The following HPS5 variants were observed in gnomAD, a reference collection of about 807,000 sequenced individuals.
The protein encoded by HPS5 is BLOC-2 complex member HPS5.
HPS5 carries 83 observed loss-of-function variants against 128.0 expected under a neutral mutation model. The ratio of observed to expected loss-of-function variants is 0.65; its 90% CI spans 0.54 to 0.78. The LOEUF is 0.78. Among genes scored for constraint, HPS5 ranks in the 30% least tolerant of loss-of-function variants. The probability of loss-of-function intolerance (pLI) is 0.00; values close to 1 mark genes in which losing one functional copy is unlikely to be tolerated. For synonymous variants in HPS5, 475 were observed against 470.2 expected (o/e 1.01, Z -0.13); for missense variants, 1,281 against 1,326.2 (o/e 0.97, Z 0.53).
chr11:18,293,473 T>C (rs1315647152), intron 14 of HPS5, among the ~76,000 whole-genome samples: 5 of 152,130 alleles, frequency 3.3e-5, no homozygotes, highest in African/African-American at 1.2e-4. Context: ...GACAAATATT[T>C]CTCATGCTTA....
In HPS5 at chr11:18,291,941, T is replaced by C. The variant is rs1404377116; in HGVS notation, c.1941A>G (p.Leu647=). Residue 647 remains leucine, a synonymous_variant, in exon 16 of 23, where the codon TTA becomes TTG. Coordinates refer to ENST00000349215, the MANE Select transcript of HPS5 (RefSeq NM_181507.2). The stretch of plus-strand genomic sequence containing the variant: ...AGTCCTTCATGGCAAATGTTTTTTC[T>C]AAATGTGAAAGCCACTCCTGTAAAA... The part of the protein sequence containing the change: ...RMVLQEWLSH[L]EKTFAMKDFS... 6.2e-7 allele frequency: 1 copy of C among 1,608,672 alleles called. No homozygotes were observed. Among genetic ancestry groups the C allele is most frequent in the East Asian group, 2.2e-5 (1 of 44,854 alleles).
Position 18,310,869 on chromosome 11 carries a change from C to G in HPS5, c.349G>C (p.Val117Leu). The change falls in exon 5 of 23, where the codon GTG (valine) becomes CTG (leucine). Residue 117 changes from valine (V) to leucine (L), a missense_variant. By Grantham distance (32) the Val-to-Leu change is conservative. Transcript: ENST00000349215. ...CTTCGGCCTTTGTGTTCTGAAGACACATACATTTGTTCCGGTTTCCCACGA... is the reference window on the plus strand; with the variant it reads ...CTTCGGCCTTTGTGTTCTGAAGACAGATACATTTGTTCCGGTTTCCCACGA... ...ERRGKPEQMY[V>L]SSEHKGRRVT... 1.2e-6 allele frequency: 2 copies of G among 1,612,706 alleles called. No individual in the cohort carries two copies. The highest frequency in any genetic ancestry group is 8.5e-7 in the Non-Finnish European group (1 of 1,179,466).
At chr11:18,309,417 G>A (rs957096935) in intron 5 of HPS5, among the ~76,000 whole-genome samples, 4 of 152,224 alleles carry the variant, frequency 2.6e-5, no homozygotes, top group African/African-American at 9.6e-5. Context: ...GGCTGAGGCA[G>A]AAGAACTGCT....
chr11:18,295,301 CA>C (rs1312603934), intron 13 of HPS5, 132 bp from the exon 14 acceptor site: 2 of 727,170 alleles, frequency 2.8e-6, no homozygotes, highest in Non-Finnish European at 4.7e-6. Flanking sequence ...CTGTTTATAG[CA>C]ACTTCTCTGT....
chr11:18,291,382 A>AAATT (rs1327313417), intron 16 of HPS5, 60 bp downstream of exon 16: 23 of 1,112,406 alleles, frequency 2.1e-5, no homozygotes, highest in African/African-American at 3.1e-5. Context: ...CCCAAAATTC[A>AAATT]AAACTGCTAA....
chr11:18,313,281 AATGAAT>A (rs1251069594), intron 2 of HPS5, among the ~76,000 whole-genome samples: 2 of 152,134 alleles, frequency 1.3e-5, no homozygotes, highest in African/African-American at 4.8e-5. Flanking sequence ...CCCAGACAGA[AATGAAT>A]ATGAGATATC....
intron 1 of HPS5, among the ~76,000 whole-genome samples, chr11:18,318,108 AG>A (rs1288579369): frequency 2.6e-5 from 4 of 152,194 alleles, no homozygotes; most frequent in African/African-American, 9.7e-5. Flanking sequence ...CCAGAGTAGC[AG>A]GTACGGATTC....
intron 2 of HPS5, among the ~76,000 whole-genome samples, chr11:18,314,998 G>A (rs1417747159): frequency 6.6e-6 from 1 of 152,096 alleles, no homozygotes; most frequent in African/African-American, 2.4e-5. Context: ...CCAAGCCAGG[G>A]CAGCTTCTTC....
intron 16 of HPS5, among the ~76,000 whole-genome samples, chr11:18,290,439 A>G (rs1860255501): frequency 6.6e-6 from 1 of 152,244 alleles, no homozygotes; most frequent in Non-Finnish European, 1.5e-5. Flanking sequence ...ATGAAATGAG[A>G]CAATGCTGAA....
At chr11:18,303,265 A>G (rs1861945043) in intron 8 of HPS5, among the ~76,000 whole-genome samples, 1 of 75,086 alleles carries the variant, frequency 1.3e-5, no homozygotes, top group African/African-American at 5.5e-5. Flanking sequence ...CTATGTGTCT[A>G]GCACTGCCCA....
chr11:18,300,494 C>T lies in HPS5; in HGVS notation c.985+334G>A, dbSNP rs979250176. On this transcript the variant is annotated intron_variant, in intron 9 of 22. Coordinates refer to ENST00000349215, the MANE Select transcript of HPS5 (RefSeq NM_181507.2). ...GGCAGATCACCTGAGGTCAGGAATT[C>T]GAGACCAGCCTGGCCAACATGGCGA... 1.6e-4 allele frequency among the ~76,000 whole-genome samples: 24 copies of T among 151,848 alleles called. 1 individual carries two copies. Among genetic ancestry groups the T allele is most frequent in the African/African-American group, 5.6e-4 (23 of 41,324 alleles).
At chr11:18,299,187 T>C (rs1861427497) in intron 9 of HPS5, among the ~76,000 whole-genome samples, 1 of 152,192 alleles carries the variant, frequency 6.6e-6, no homozygotes, top group Non-Finnish European at 1.5e-5. Flanking sequence ...AAGAACTATA[T>C]CTCTCTGACC....
rs369851648 is a variant in HPS5 at position 18,305,433 on chromosome 11, G to C, written c.885C>G (p.Leu295=). The C allele has an allele frequency of 2.5e-6, 4 of 1,604,804 alleles. No individual in the cohort carries two copies. The highest frequency in any genetic ancestry group is 2.6e-6 in the Non-Finnish European group (3 of 1,171,916). Residue 295 remains leucine, a synonymous_variant, in exon 8 of 23, where the codon CTC becomes CTG. Coordinates refer to ENST00000349215, the MANE Select transcript of HPS5 (RefSeq NM_181507.2). ...AAGTAGAAACTTACCTAAGATGTAA[G>C]AGTTTGGGGAAAGACAAAGACTGGG... The part of the protein sequence containing the change: ...GSSQSLSFPK[L]LHLSEHCVLT...
At position 18,291,474 on chromosome 11, in the gene HPS5, GA is replaced by G. The variant is rs1860396899; in HGVS notation, c.2407del (p.Ser803LeufsTer10). ...SIKLSYSNSP[S>X]VWDTFIEGLK... ...TCCTTCAATAAAAGTATCCCAAACAGAAGGGCTATTACTGTAACTAAGCTTG... is the reference window on the plus strand; with the variant it reads ...TCCTTCAATAAAAGTATCCCAAACAGAGGGCTATTACTGTAACTAAGCTTG... On this transcript the variant is annotated frameshift_variant, in exon 16 of 23. Transcript: ENST00000349215. LOFTEE classifies it high-confidence loss of function. The G allele has an allele frequency of 6.2e-7, 1 of 1,611,356 alleles. No individual in the cohort carries two copies.
rs1379687029 is a variant in HPS5 at position 18,295,135 on chromosome 11, T to C, written c.1669A>G (p.Ile557Val). ...TCAGGGCTCGTGTGAAGGGTGCCAATCTTCTCAGTAGTTTTACGCACAAAG... is the reference window on the plus strand; with the variant it reads ...TCAGGGCTCGTGTGAAGGGTGCCAACCTTCTCAGTAGTTTTACGCACAAAG... ...SSFVRKTTEK[I>V]GTLHTSPDLK... Residue 557 changes from isoleucine (I) to valine (V), a missense_variant, in exon 14 of 23, where the codon ATT (isoleucine) becomes GTT (valine). Coordinates refer to ENST00000349215, the MANE Select transcript of HPS5 (RefSeq NM_181507.2). 1.4e-5 allele frequency: 23 copies of C among 1,614,044 alleles called. No individual in the cohort carries two copies. Among genetic ancestry groups the C allele is most frequent in the Non-Finnish European group, 1.9e-5 (22 of 1,180,032 alleles).
intron 10 of HPS5, 102 bp downstream of exon 10, chr11:18,298,690 C>A: frequency 8.8e-7 from 1 of 1,135,630 alleles, no homozygotes; most frequent in Non-Finnish European, 1.3e-6. Flanking sequence ...GTAGGTCACA[C>A]AGACAGGGTT....
chr11:18,317,403 G>T (rs538747034), intron 2 of HPS5, among the ~76,000 whole-genome samples: 1 of 151,764 alleles, frequency 6.6e-6, no homozygotes, highest in Admixed American at 6.6e-5. Flanking sequence ...TTACAGGCGC[G>T]TGCCACCTTG....
Position 18,306,173 on chromosome 11 carries a change from T to C in HPS5, c.786A>G (p.Lys262=), listed in dbSNP as rs1862342395. The change falls in exon 7 of 23, where the codon AAA becomes AAG. Residue 262 remains lysine, a synonymous_variant. Coordinates refer to ENST00000349215, the MANE Select transcript of HPS5 (RefSeq NM_181507.2). Reference sequence around the variant, plus strand: ...CAGGGAGAGGTGGCAACGAGAGGAGTTTCTTGAACTGATGTGTACTTATAA... The same window carrying C: ...CAGGGAGAGGTGGCAACGAGAGGAGCTTCTTGAACTGATGTGTACTTATAA... The part of the protein sequence containing the change: ...GEVISTHQFK[K]LLSLPPLPVI... The C allele has an allele frequency of 6.2e-7, 1 of 1,613,570 alleles. No homozygotes were observed.
chr11:18,292,127 T>C, intron 15 of HPS5, 108 bp from the exon 16 acceptor site: 3 of 793,980 alleles, frequency 3.8e-6, no homozygotes, highest in Non-Finnish European at 6.3e-6. Flanking sequence ...TCATCTGGAA[T>C]AAACGTTACT....
Sources: allele counts gnomAD v4.1 joint callset (sites outside exome capture counted in the v4.1 genomes callset), GRCh38; gene constraint gnomAD v4.1.1; transcripts MANE v1.5; gene names NCBI Gene and HGNC (gene_info 2026-07-23, HGNC 2026-07-21).